KHDRBS2: variants seen among roughly 807,000 people sequenced by gnomAD.
The protein encoded by KHDRBS2 is KH domain-containing, RNA-binding, signal transduction-associated protein 2.
Under a neutral mutation model 44.3 loss-of-function variants are expected in KHDRBS2, and 26 were observed. The ratio of observed to expected loss-of-function variants is 0.59; its 90% CI spans 0.43 to 0.81. KHDRBS2 has a LOEUF of 0.81. Among genes scored for constraint, KHDRBS2 ranks in the 40% least tolerant of loss-of-function variants. The pLI, the probability that KHDRBS2 is intolerant of heterozygous loss-of-function variation, is 0.00. For synonymous variants in KHDRBS2, 194 were observed against 151.1 expected, an observed-to-expected ratio of 1.28 and a Z score of -2.08; for missense variants, 476 against 433.1, an observed-to-expected ratio of 1.10 and a Z score of -0.88.
intron 2 of KHDRBS2, among the ~76,000 whole-genome samples, chr6:62,072,343 C>T (rs917373079): frequency 4.6e-5 from 7 of 152,112 alleles, no homozygotes; most frequent in African/African-American, 1.4e-4. Flanking sequence ...TTTCCTTCTC[C>T]TGCCTGATTG....
At chr6:61,951,742 T>C (rs548646299) in intron 4 of KHDRBS2, among the ~76,000 whole-genome samples, 60 of 152,188 alleles carry the variant, frequency 3.9e-4, no homozygotes, top group African/African-American at 1.3e-3. Flanking sequence ...TAAAGTGACC[T>C]TGACAGAGCC....
intron 6 of KHDRBS2, among the ~76,000 whole-genome samples, chr6:61,876,189 C>G (rs1470679447): frequency 6.6e-6 from 1 of 151,988 alleles, no homozygotes; most frequent in Non-Finnish European, 1.5e-5. Flanking sequence ...TTGCTGAAGT[C>G]TCTAAGTGGC....
At chr6:62,075,122 G>A (rs1430284395) in intron 2 of KHDRBS2, among the ~76,000 whole-genome samples, 1 of 150,900 alleles carries the variant, frequency 6.6e-6, no homozygotes, top group Non-Finnish European at 1.5e-5. Flanking sequence ...CTTATGCTAT[G>A]GTCTGAATGT....
At chr6:61,548,305 C>T in the KHDRBS2 span, among the ~76,000 whole-genome samples, 1 of 152,028 alleles carries the variant, frequency 6.6e-6, no homozygotes, top group African/African-American at 2.4e-5. Flanking sequence ...TATATAGCAA[C>T]AATTTTCCAA....
At chr6:62,254,280 C>G (rs1430560499) in intron 1 of KHDRBS2, among the ~76,000 whole-genome samples, 2 of 152,026 alleles carry the variant, frequency 1.3e-5, no homozygotes, top group Non-Finnish European at 1.5e-5. Flanking sequence ...CCTTGCTAAA[C>G]TGTACCCACT....
At chr6:62,230,531 A>G (rs1279613888) in intron 1 of KHDRBS2, among the ~76,000 whole-genome samples, 1 of 152,234 alleles carries the variant, frequency 6.6e-6, no homozygotes, top group Non-Finnish European at 1.5e-5. Context: ...CACAGAAGTT[A>G]GAGCCCCACT....
chr6:62,030,156 G>A (rs1187629143), intron 3 of KHDRBS2, among the ~76,000 whole-genome samples: 2 of 152,034 alleles, frequency 1.3e-5, no homozygotes, highest in South Asian at 4.1e-4. Context: ...TTTAACATCA[G>A]ATGTGAGGGA....
chr6:61,661,468 T>A, the KHDRBS2 span: 1 of 151,896 alleles, frequency 6.6e-6, no homozygotes, highest in Non-Finnish European at 1.5e-5. Context: ...TCATGGCAAA[T>A]TTAATAACAG....
chr6:61,599,442 A>C, the KHDRBS2 span, among the ~76,000 whole-genome samples: 1 of 150,644 alleles, frequency 6.6e-6, no homozygotes, highest in Non-Finnish European at 1.5e-5. Context: ...GATTTTTAAA[A>C]GTGGGTGCAG....
chr6:61,927,783 G>T (rs1024983019), intron 4 of KHDRBS2, among the ~76,000 whole-genome samples: 2 of 152,036 alleles, frequency 1.3e-5, no homozygotes, highest in African/African-American at 4.8e-5. Flanking sequence ...ATGCCCATCT[G>T]TTCCATAGAA....
At chr6:62,027,955 G>A (rs1208126237) in intron 3 of KHDRBS2, among the ~76,000 whole-genome samples, 3 of 152,072 alleles carry the variant, frequency 2.0e-5, no homozygotes, top group Non-Finnish European at 4.4e-5. Context: ...CGAGGAAGTC[G>A]TTGTAGGAAT....
chr6:61,752,791 A>G (rs1457023239), intron 6 of KHDRBS2, among the ~76,000 whole-genome samples: 1 of 152,102 alleles, frequency 6.6e-6, no homozygotes, highest in South Asian at 2.1e-4. Context: ...TATATATTAT[A>G]CTATATGGAA....
chr6:61,574,539 G>T, the KHDRBS2 span: 1 of 551,010 alleles, frequency 1.8e-6, no homozygotes, highest in South Asian at 2.1e-5. Flanking sequence ...CCCAACCTCC[G>T]AGCAACATAT....
At chr6:61,732,355 T>C (rs1774613192) in intron 7 of KHDRBS2, among the ~76,000 whole-genome samples, 1 of 152,026 alleles carries the variant, frequency 6.6e-6, no homozygotes, top group Non-Finnish European at 1.5e-5. Context: ...AAAAAAAAGC[T>C]ACATTGAACA....
At chr6:61,546,035 C>G in the KHDRBS2 span, among the ~76,000 whole-genome samples, 2 of 152,128 alleles carry the variant, frequency 1.3e-5, no homozygotes, top group South Asian at 4.1e-4. Context: ...AGTAGCAGCC[C>G]AAGCTGACTA....
rs147967361 is a variant in KHDRBS2 at position 61,954,621 on chromosome 6, T to C, written c.483+23445A>G. On this transcript the variant is annotated intron_variant, in intron 4 of 8. Coordinates refer to ENST00000281156, the MANE Select transcript of KHDRBS2 (RefSeq NM_152688.4). ...ACACATACATACTTATGTATACATA[T>C]ATATGTATATATACACATACATACT... 8.7e-3 allele frequency among the ~76,000 whole-genome samples: 1,225 copies of C among 141,600 alleles called. 13 individuals carry two copies. The highest frequency in any genetic ancestry group is 0.02 in the South Asian group (93 of 4,602). 92.9% of individuals were successfully genotyped at this position (141,600 alleles called of 152,430 possible).
intron 2 of KHDRBS2, among the ~76,000 whole-genome samples, chr6:62,140,522 G>C (rs1051735829): frequency 1.3e-5 from 2 of 151,986 alleles, no homozygotes; most frequent in African/African-American, 4.8e-5. Context: ...GATGATTAGG[G>C]GTTCTTAATT....
chr6:61,958,346 T>A (rs1434311067), intron 4 of KHDRBS2, among the ~76,000 whole-genome samples: 1 of 152,160 alleles, frequency 6.6e-6, no homozygotes, highest in Non-Finnish European at 1.5e-5. Context: ...TCCTCATCAA[T>A]GTTGCTTCCA....
the KHDRBS2 span, among the ~76,000 whole-genome samples, chr6:61,659,741 A>C: frequency 6.6e-6 from 1 of 151,916 alleles, no homozygotes; most frequent in East Asian, 2.0e-4. Context: ...TTAAAAAAAA[A>C]CAAAGCTAAT....
Sources: gnomAD v4.1 joint callset for allele counts (sites outside exome capture counted in the v4.1 genomes callset) on GRCh38, gnomAD v4.1.1 for gene constraint, MANE v1.5 for transcripts, NCBI Gene and HGNC (gene_info 2026-07-23, HGNC 2026-07-21) for gene names.